CAMK2D: variants seen among roughly 807,000 people sequenced by gnomAD.
The protein encoded by CAMK2D is calcium/calmodulin-dependent protein kinase type II subunit delta.
CAMK2D carries 37 observed loss-of-function variants against 84.0 expected under a neutral mutation model. The ratio of observed to expected loss-of-function variants is 0.44; its 90% CI spans 0.34 to 0.58. CAMK2D has a LOEUF of 0.58. Among genes scored for constraint, CAMK2D ranks in the 20% least tolerant of loss-of-function variants. CAMK2D has a pLI of 0.02. For missense variants in CAMK2D, 448 were observed against 652.5 expected, an observed-to-expected ratio of 0.69 and a Z score of 3.41; for synonymous variants, 202 against 212.5, an observed-to-expected ratio of 0.95 and a Z score of 0.43.
intron 6 of CAMK2D, among the ~76,000 whole-genome samples, chr4:113,546,725 A>G (rs2098577491): frequency 6.6e-6 from 1 of 152,198 alleles, no homozygotes; most frequent in Non-Finnish European, 1.5e-5. Context: ...AAGAATCAAA[A>G]CTATATACAG....
chr4:113,607,585 A>G lies in CAMK2D; in HGVS notation c.275+1567T>C, dbSNP rs556570804. ...TTCCTTCTCCTGGACAATGAGTATCAGAAGCTCCCCACCGAGCACCCTGTA... is the reference window on the plus strand; with the variant it reads ...TTCCTTCTCCTGGACAATGAGTATCGGAAGCTCCCCACCGAGCACCCTGTA... On this transcript the variant is annotated intron_variant, in intron 4 of 20. Coordinates refer to ENST00000511664, the MANE Select transcript of CAMK2D (RefSeq NM_001321571.2). Among the ~76,000 whole-genome samples, 3 of 152,156 alleles carry G rather than the reference A, an allele frequency of 2.0e-5. No individual in the cohort carries two copies. In the South Asian group the frequency reaches 6.2e-4, roughly 32 times the overall value.
chr4:113,460,281 G>A (rs2097356857), intron 17 of CAMK2D, 40 bp from the exon 18 acceptor site: 1 of 1,052,408 alleles, frequency 9.5e-7, no homozygotes, highest in Admixed American at 1.8e-5. Flanking sequence ...ATTAATAGGT[G>A]CTTTAATGTG....
chr4:113,760,472 T>C (rs1474351211), intron 1 of CAMK2D, among the ~76,000 whole-genome samples: 1 of 152,178 alleles, frequency 6.6e-6, no homozygotes, highest in Non-Finnish European at 1.5e-5. Flanking sequence ...ACAGAACAAC[T>C]ACTGGATGCG....
chr4:113,690,345 T>C (rs1346202696), intron 2 of CAMK2D, among the ~76,000 whole-genome samples: 1 of 152,068 alleles, frequency 6.6e-6, no homozygotes, highest in African/African-American at 2.4e-5. Context: ...CTCATCTGAA[T>C]TCCTATATTA....
chr4:113,662,208 C>T (rs2099236514), intron 2 of CAMK2D, among the ~76,000 whole-genome samples: 1 of 152,144 alleles, frequency 6.6e-6, no homozygotes, highest in Admixed American at 6.5e-5. Context: ...GGAGAATGTT[C>T]TCTGTTCAGT....
intron 2 of CAMK2D, among the ~76,000 whole-genome samples, chr4:113,671,508 T>C (rs186186080): frequency 1.3e-5 from 2 of 152,358 alleles, no homozygotes; most frequent in East Asian, 3.9e-4. Flanking sequence ...CACTATTTCT[T>C]TCCACTCTCC....
rs764202834 is a variant in CAMK2D at position 113,695,142 on chromosome 4, C to G, written c.161-33370G>C. Among the ~76,000 whole-genome samples, 8 of 152,260 alleles carry G rather than the reference C, an allele frequency of 5.3e-5. No individual in the cohort carries two copies. The South Asian group carries it at 1.7e-3, about 32-fold the overall frequency. On this transcript the variant is annotated intron_variant, in intron 2 of 20. Transcript: ENST00000511664. ...AAAAGAAAAGTACAATGTTCCTCCA[C>G]ATCTCCCAAGCTGGATGATAACTGT...
rs182509287 is a variant in CAMK2D at position 113,583,940 on chromosome 4, C to T, written c.275+25212G>A. Among the ~76,000 whole-genome samples the T allele has an allele frequency of 4.6e-5, 7 of 152,278 alleles. No individual in the cohort carries two copies. In the East Asian group the frequency reaches 1.4e-3, roughly 29 times the overall value. ...GAGTGAAGGCCACCATGTACTGCAGCCTTTAGTCTGCCTTTACAGATCAGA... is the reference window on the plus strand; with the variant it reads ...GAGTGAAGGCCACCATGTACTGCAGTCTTTAGTCTGCCTTTACAGATCAGA... On this transcript the variant is annotated intron_variant, in intron 4 of 20. Coordinates refer to ENST00000511664, the MANE Select transcript of CAMK2D (RefSeq NM_001321571.2).
intron 4 of CAMK2D, among the ~76,000 whole-genome samples, chr4:113,587,469 C>T (rs1419468416): frequency 6.6e-6 from 1 of 152,172 alleles, no homozygotes; most frequent in Non-Finnish European, 1.5e-5. Context: ...ATCCCAGTCT[C>T]TAAAACTCTC....
At chr4:113,682,638 T>G (rs2099349106) in intron 2 of CAMK2D, among the ~76,000 whole-genome samples, 1 of 152,144 alleles carries the variant, frequency 6.6e-6, no homozygotes, top group South Asian at 2.1e-4. Context: ...AATCCTCACA[T>G]AATCTCCAAT....
At chr4:113,505,203 C>T (rs984575858) in intron 13 of CAMK2D, among the ~76,000 whole-genome samples, 168 bp from the exon 14 acceptor site, 14 of 152,120 alleles carry the variant, frequency 9.2e-5, no homozygotes, top group African/African-American at 1.4e-4. Context: ...CGCTAGTCTC[C>T]GATGGTCACA....
At chr4:113,536,957 TCTA>T (rs2098497254) in intron 7 of CAMK2D, among the ~76,000 whole-genome samples, 2 of 152,166 alleles carry the variant, frequency 1.3e-5, no homozygotes, top group Admixed American at 6.5e-5. Flanking sequence ...TTCTTGAGCA[TCTA>T]CTATTTACAC....
At chr4:113,695,710 T>G (rs2099400521) in intron 2 of CAMK2D, among the ~76,000 whole-genome samples, 2 of 152,102 alleles carry the variant, frequency 1.3e-5, no homozygotes, top group Non-Finnish European at 2.9e-5. Flanking sequence ...CTGGATCACT[T>G]CAATAGCCTC....
At chr4:113,579,547 T>A (rs1276184127) in intron 4 of CAMK2D, among the ~76,000 whole-genome samples, 2 of 152,054 alleles carry the variant, frequency 1.3e-5, no homozygotes, top group Non-Finnish European at 2.9e-5. Context: ...AGCTGATTGT[T>A]AAAAGACCCT....
chr4:113,727,415 C>G (rs992729424), intron 2 of CAMK2D, among the ~76,000 whole-genome samples: 1 of 151,720 alleles, frequency 6.6e-6, no homozygotes, highest in Non-Finnish European at 1.5e-5. Flanking sequence ...ATTAATTTGA[C>G]AAAGGCACCA....
At chr4:113,487,048 G>A (rs2097772662) in intron 16 of CAMK2D, among the ~76,000 whole-genome samples, 1 of 152,208 alleles carries the variant, frequency 6.6e-6, no homozygotes, top group Non-Finnish European at 1.5e-5. Context: ...TGTTTCGGAT[G>A]TGAAAAATAA....
rs563620255 is a variant in CAMK2D, at chr4:113,500,979, T to C, written c.1087-468A>G. 5.8e-4 allele frequency among the ~76,000 whole-genome samples: 89 copies of C among 152,238 alleles called. 4 individuals carry two copies. The highest frequency in any genetic ancestry group is 1.9e-3 in the African/African-American group (81 of 41,562). On this transcript the variant is annotated intron_variant, in intron 15 of 20. Transcript: ENST00000511664. Reference sequence around the variant, plus strand: ...GCACTATGTTAAGGCCTGTATGCCTTACACCTTTATAGGGAGAGAAAGCAT... The same window carrying C: ...GCACTATGTTAAGGCCTGTATGCCTCACACCTTTATAGGGAGAGAAAGCAT...
chr4:113,462,338 G>GTCTATCTGTCTA (rs2097397058), intron 17 of CAMK2D, among the ~76,000 whole-genome samples: 1 of 130,448 alleles, frequency 7.7e-6, no homozygotes, highest in Non-Finnish European at 1.6e-5. Context: ...CTGTCTGTCT[G>GTCTATCTGTCTA]TCTATCTATC....
Position 113,514,308 on chromosome 4 carries a change from G to T in CAMK2D, c.820-395C>A, listed in dbSNP as rs374868445. On this transcript the variant is annotated intron_variant, in intron 10 of 20. Coordinates refer to ENST00000511664, the MANE Select transcript of CAMK2D (RefSeq NM_001321571.2). ...GGCACCTGTAATCCCAGCTACTCGG[G>T]AGGCTGAGACAGGAGAATTGCTTGA... is the stretch of plus-strand genomic sequence containing the variant. Among the ~76,000 whole-genome samples, 38 of 152,268 alleles carry T rather than the reference G, an allele frequency of 2.5e-4. 1 individual carries two copies. The East Asian group carries it at 6.8e-3, about 27-fold the overall frequency.
Sources: gnomAD v4.1 joint callset for allele counts (sites outside exome capture counted in the v4.1 genomes callset) on GRCh38, gnomAD v4.1.1 for gene constraint, MANE v1.5 for transcripts, NCBI Gene and HGNC (gene_info 2026-07-23, HGNC 2026-07-21) for gene names.